Variants in LRRTM4 observed in about 807,000 individuals in gnomAD.
The protein encoded by LRRTM4 is leucine-rich repeat transmembrane neuronal protein 4.
LRRTM4 carries 25 observed loss-of-function variants against 47.6 expected under a neutral mutation model. The ratio of observed to expected loss-of-function variants is 0.53; its 90% CI spans 0.38 to 0.73. LRRTM4 has a LOEUF of 0.73. LRRTM4 is among the 30% of genes least tolerant of loss of function. The probability of loss-of-function intolerance (pLI) is 0.00; values close to 1 mark genes in which losing one functional copy is unlikely to be tolerated. For missense variants in LRRTM4, 638 were observed against 713.4 expected (o/e 0.89, Z 1.20); for synonymous variants, 311 against 269.5 (o/e 1.15, Z -1.51).
At chr2:76,992,828 G>GA (rs71376812) in intron 3 of LRRTM4, among the ~76,000 whole-genome samples, 153 of 85,944 alleles carry the variant, frequency 1.8e-3, no homozygotes, top group East Asian at 7.9e-3. Flanking sequence ...AAATCCTGAG[G>GA]AAAAAAAAAA....
chr2:76,978,981 C>T (rs2103961003), intron 3 of LRRTM4, among the ~76,000 whole-genome samples: 1 of 152,096 alleles, frequency 6.6e-6, no homozygotes, highest in South Asian at 2.1e-4. Flanking sequence ...GAAATTCTCA[C>T]ATCTCCAGAG....
chr2:76,749,002 T>C (rs1333789890), intron 3 of LRRTM4, 86 bp from the exon 4 acceptor site: 2 of 1,055,144 alleles, frequency 1.9e-6, no homozygotes, highest in Admixed American at 4.4e-5. Flanking sequence ...ATTTTTGTTC[T>C]CTTTCATGCT....
At chr2:77,245,669 T>C (rs1348210444) in intron 3 of LRRTM4, among the ~76,000 whole-genome samples, 2 of 151,920 alleles carry the variant, frequency 1.3e-5, no homozygotes, top group East Asian at 1.9e-4. Flanking sequence ...GCAACTTGCA[T>C]TTTTTCTTTC....
chr2:77,317,453 T>C (rs947422974), intron 3 of LRRTM4, among the ~76,000 whole-genome samples: 3 of 152,228 alleles, frequency 2.0e-5, no homozygotes, highest in African/African-American at 7.2e-5. Context: ...TCTGACTTTA[T>C]TCCTATGAAC....
At chr2:76,789,987 G>A (rs1265316060) in intron 3 of LRRTM4, among the ~76,000 whole-genome samples, 2 of 152,160 alleles carry the variant, frequency 1.3e-5, no homozygotes, top group Non-Finnish European at 2.9e-5. Flanking sequence ...TGCCTGAGGT[G>A]TGTGTCGTTA....
intron 3 of LRRTM4, among the ~76,000 whole-genome samples, chr2:77,144,105 T>C (rs1304483727): frequency 6.6e-6 from 1 of 152,158 alleles, no homozygotes; most frequent in Admixed American, 6.6e-5. Context: ...ATTATGACTT[T>C]AGCCAACCCA....
intron 3 of LRRTM4, among the ~76,000 whole-genome samples, chr2:77,318,401 AACAC>A (rs1677683115): frequency 6.6e-6 from 1 of 152,178 alleles, no homozygotes; most frequent in Admixed American, 6.5e-5. Flanking sequence ...CTCATGTTGA[AACAC>A]ACAGGAAGCT....
chr2:76,821,428 T>C (rs1671050483), intron 3 of LRRTM4, among the ~76,000 whole-genome samples: 2 of 151,650 alleles, frequency 1.3e-5, no homozygotes, highest in African/African-American at 4.8e-5. Context: ...TTTATTTTCC[T>C]CCTGAGTTCT....
chr2:76,851,954 A>G (rs566501677), intron 3 of LRRTM4, among the ~76,000 whole-genome samples: 22 of 152,024 alleles, frequency 1.4e-4, no homozygotes, highest in South Asian at 1.0e-3. Context: ...TACTTTTATG[A>G]TTCTTGAGTT....
chr2:77,360,489 TACGATAC>T lies in LRRTM4; in HGVS notation c.1551+157822_1551+157828del. Among the ~76,000 whole-genome samples the T allele has an allele frequency of 1.4e-5, 2 of 140,320 alleles. 1 individual carries two copies. The highest frequency in any genetic ancestry group is 3.1e-5 in the Non-Finnish European group (2 of 64,502). The allele number at this position is 140,320 out of a possible 152,430, so 92.1% of individuals were successfully genotyped here. ...TACAATACGATATGATACGATACGATACGATACGATACGATACGATACGATACGATAC... is the reference window on the plus strand; with the variant it reads ...TACAATACGATATGATACGATACGATGATACGATACGATACGATACGATAC... On this transcript the variant is annotated intron_variant, in intron 3 of 3. Coordinates refer to ENST00000409884, the MANE Select transcript of LRRTM4 (RefSeq NM_001134745.3).
chr2:77,065,538 C>A (rs189884472), intron 3 of LRRTM4, among the ~76,000 whole-genome samples: 24 of 152,132 alleles, frequency 1.6e-4, no homozygotes, highest in Non-Finnish European at 2.8e-4. Context: ...CTACTATATG[C>A]TACTAAATTA....
At chr2:77,225,143 C>T (rs1674765482) in intron 3 of LRRTM4, among the ~76,000 whole-genome samples, 1 of 139,196 alleles carries the variant, frequency 7.2e-6, no homozygotes, top group Non-Finnish European at 1.5e-5. Context: ...TGTTCTCACT[C>T]ATAGGTGGGA....
chr2:77,058,233 A>C (rs536200513), intron 3 of LRRTM4, among the ~76,000 whole-genome samples: 2 of 152,212 alleles, frequency 1.3e-5, no homozygotes, highest in South Asian at 2.1e-4. Flanking sequence ...GTCCTTAGTT[A>C]GTGGGTATTT....
intron 3 of LRRTM4, among the ~76,000 whole-genome samples, chr2:76,791,962 T>C (rs886370357): frequency 6.6e-6 from 1 of 152,212 alleles, no homozygotes; most frequent in Non-Finnish European, 1.5e-5. Context: ...CTCATGTTTT[T>C]GTATCAGATC....
chr2:77,356,992 T>G (rs903683260), intron 3 of LRRTM4, among the ~76,000 whole-genome samples: 3 of 152,126 alleles, frequency 2.0e-5, no homozygotes, highest in African/African-American at 7.2e-5. Context: ...TCTTCTCAAT[T>G]TGAAGTAGTT....
chr2:76,942,407 G>C (rs1470435970), intron 3 of LRRTM4, among the ~76,000 whole-genome samples: 7 of 151,468 alleles, frequency 4.6e-5, no homozygotes, highest in Admixed American at 2.0e-4. Flanking sequence ...GGGGTGTTAA[G>C]ATTTAAAGAT....
intron 3 of LRRTM4, among the ~76,000 whole-genome samples, chr2:77,124,831 G>A (rs1311934076): frequency 6.6e-6 from 1 of 152,210 alleles, no homozygotes; most frequent in Middle Eastern, 3.4e-3. Flanking sequence ...ATCTTCTTCA[G>A]GTCAATACTT....
intron 3 of LRRTM4, among the ~76,000 whole-genome samples, chr2:77,322,101 A>C (rs2104228637): frequency 6.6e-6 from 1 of 152,328 alleles, no homozygotes; most frequent in South Asian, 2.1e-4. Flanking sequence ...TAGTAAAATC[A>C]AGTCACACAG....
chr2:77,363,929 G>T (rs1672337292), intron 3 of LRRTM4, among the ~76,000 whole-genome samples: 1 of 152,008 alleles, frequency 6.6e-6, no homozygotes, highest in Non-Finnish European at 1.5e-5. Context: ...TTGGCATAAT[G>T]GAAAGCTTCA....
Sources: allele counts gnomAD v4.1 joint callset (sites outside exome capture counted in the v4.1 genomes callset), GRCh38; gene constraint gnomAD v4.1.1; transcripts MANE v1.5; gene names NCBI Gene and HGNC (gene_info 2026-07-23, HGNC 2026-07-21).